Variants in DPP6 observed in about 807,000 individuals in gnomAD.
The protein encoded by DPP6 is dipeptidyl peptidase like 6, also known as A-type potassium channel modulatory protein DPP6.
Under a neutral mutation model 122.6 loss-of-function variants are expected in DPP6, and 69 were observed. The ratio of observed to expected loss-of-function variants is 0.56; its 90% confidence interval spans 0.46 to 0.69. The LOEUF (loss-of-function observed/expected upper bound fraction) is 0.69. Among genes scored for constraint, DPP6 ranks in the 30% least tolerant of loss-of-function variants. The probability of loss-of-function intolerance (pLI) is 0.00; values close to 1 mark genes in which losing one functional copy is unlikely to be tolerated. For missense variants in DPP6, 928 were observed against 1,116.9 expected, an observed-to-expected ratio of 0.83 and a Z score of 2.41; for synonymous variants, 418 against 433.1, an observed-to-expected ratio of 0.97 and a Z score of 0.43.
chr7:154,324,206 C>T (rs957204709), intron 1 of DPP6, among the ~76,000 whole-genome samples: 4 of 152,198 alleles, frequency 2.6e-5, no homozygotes, highest in East Asian at 3.9e-4. Flanking sequence ...TTCCTGTTCA[C>T]GGTTGCCTTT....
chr7:154,338,017 A>G (rs1013118847), intron 1 of DPP6, among the ~76,000 whole-genome samples: 1 of 152,184 alleles, frequency 6.6e-6, no homozygotes, highest in Admixed American at 6.5e-5. Flanking sequence ...CACTGAGCGT[A>G]TATCTGTCTT....
chr7:154,052,920 G>C lies in DPP6; in HGVS notation c.100G>C (p.Glu34Gln), dbSNP rs1008358424. The change falls in exon 1 of 26, where the codon GAG (glutamate) becomes CAG (glutamine). Residue 34 changes from glutamate (E) to glutamine (Q), a missense_variant. Coordinates refer to ENST00000377770, the MANE Select transcript of DPP6 (RefSeq NM_130797.4). The surrounding 1 kb of genome is among the most constrained non-coding windows in gnomAD (Gnocchi z 4.8). ...ASHLLGGQGP[E>Q]EDGGAGAKPL... is the part of the protein sequence containing the mutation. ...TCACCTCCTGGGCGGCCAGGGGCCC[G>C]AGGAGGACGGCGGCGCAGGAGCCAA... The C allele has an allele frequency of 1.1e-5, 17 of 1,496,242 alleles. No individual in the cohort carries two copies. In the African/African-American group the frequency reaches 2.0e-4, roughly 18 times the overall value. 92.7% of individuals were successfully genotyped at this position (1,496,242 alleles called of 1,614,324 possible).
intron 5 of DPP6, among the ~76,000 whole-genome samples, chr7:154,572,205 C>G (rs942843600): frequency 3.3e-5 from 5 of 152,152 alleles, no homozygotes; most frequent in Non-Finnish European, 7.3e-5. Context: ...CCATTTTGCT[C>G]TCTAAGGGAC....
At chr7:154,837,266 CAT>C (rs1168850837) in intron 16 of DPP6, among the ~76,000 whole-genome samples, 3 of 151,962 alleles carry the variant, frequency 2.0e-5, no homozygotes, top group African/African-American at 4.8e-5. Context: ...CATGCACACA[CAT>C]GCACACGCAT....
intron 1 of DPP6, among the ~76,000 whole-genome samples, chr7:154,404,473 A>G (rs1815901303): frequency 6.6e-6 from 1 of 152,228 alleles, no homozygotes; most frequent in South Asian, 2.1e-4. Flanking sequence ...AAGAAGGATT[A>G]CCATCTTTGA....
intron 1 of DPP6, among the ~76,000 whole-genome samples, chr7:154,375,361 T>C: frequency 6.6e-6 from 1 of 151,544 alleles, no homozygotes; most frequent in East Asian, 1.9e-4. Context: ...GGAAATGGAG[T>C]GAGGCAGGAC....
chr7:154,173,881 C>T (rs115468478), intron 1 of DPP6, among the ~76,000 whole-genome samples: 6,030 of 152,222 alleles, frequency 0.04, 215 homozygotes, highest in African/African-American at 0.095. Context: ...CTCTGACGGG[C>T]GGGACCCTGA....
the DPP6 span, among the ~76,000 whole-genome samples, chr7:153,879,719 C>T: frequency 1.3e-5 from 2 of 152,252 alleles, no homozygotes; most frequent in South Asian, 2.1e-4. Context: ...CATTTAACCA[C>T]GTGTTTCTCT....
intron 20 of DPP6, 40 bp from the exon 21 acceptor site, chr7:154,880,848 G>C: frequency 3.7e-6 from 6 of 1,613,946 alleles, no homozygotes; most frequent in Non-Finnish European, 5.1e-6. Flanking sequence ...GTGGCAGCAG[G>C]ATGTGCACTG....
chr7:154,815,280 T>C (rs1164099260), intron 16 of DPP6, among the ~76,000 whole-genome samples: 1 of 152,194 alleles, frequency 6.6e-6, no homozygotes, highest in Non-Finnish European at 1.5e-5. Flanking sequence ...GAAGAGCAGT[T>C]CCAGTATAGA....
chr7:153,758,572 A>G, the DPP6 span, among the ~76,000 whole-genome samples: 3 of 152,144 alleles, frequency 2.0e-5, no homozygotes, highest in Non-Finnish European at 2.9e-5. Flanking sequence ...TTTTTCTGTT[A>G]CTATATATTA....
chr7:153,916,907 T>A (rs1800352634), intron 1 of DPP6, among the ~76,000 whole-genome samples: 1 of 152,240 alleles, frequency 6.6e-6, no homozygotes, highest in African/African-American at 2.4e-5. Flanking sequence ...CCTCAATGGC[T>A]TGTTCCAACA....
intron 7 of DPP6, among the ~76,000 whole-genome samples, chr7:154,720,887 C>T (rs111335419): frequency 6.6e-5 from 10 of 152,324 alleles, no homozygotes; most frequent in African/African-American, 2.2e-4. Context: ...GGGCAGCTGA[C>T]GACAAAACTC....
chr7:154,214,728 G>A (rs1585649538), intron 1 of DPP6, among the ~76,000 whole-genome samples: 2 of 152,148 alleles, frequency 1.3e-5, no homozygotes, highest in African/African-American at 4.8e-5. Flanking sequence ...ACCAGGCTGG[G>A]AAACATAGTG....
chr7:154,127,148 C>T (rs568930129), intron 1 of DPP6, among the ~76,000 whole-genome samples: 2 of 152,302 alleles, frequency 1.3e-5, no homozygotes, highest in South Asian at 4.1e-4. Context: ...ACCTTGCAGT[C>T]AGATTAGCCA....
chr7:154,252,269 A>C (rs1163721708), intron 1 of DPP6, among the ~76,000 whole-genome samples: 1 of 151,330 alleles, frequency 6.6e-6, no homozygotes, highest in African/African-American at 2.5e-5. Flanking sequence ...GGTTGTGATG[A>C]AATGGAGGAA....
chr7:154,773,785 A>T (rs1248250030), intron 10 of DPP6, among the ~76,000 whole-genome samples: 1 of 152,154 alleles, frequency 6.6e-6, no homozygotes. Flanking sequence ...TCAAAGCTCC[A>T]TATTACTAGT....
chr7:154,447,485 A>G (rs1036974595), intron 2 of DPP6, among the ~76,000 whole-genome samples: 16 of 152,182 alleles, frequency 1.1e-4, no homozygotes, highest in African/African-American at 3.1e-4. Flanking sequence ...GAAAAAAAGT[A>G]GATATTATAA....
chr7:154,794,814 G>GCCCCCCC (rs1554470046), intron 11 of DPP6, among the ~76,000 whole-genome samples: 1 of 150,156 alleles, frequency 6.7e-6, no homozygotes, highest in Admixed American at 6.7e-5. Flanking sequence ...CATGGGATGG[G>GCCCCCCC]CCCCCAGAAG....
Sources: allele counts gnomAD v4.1 joint callset (sites outside exome capture counted in the v4.1 genomes callset), GRCh38; gene constraint gnomAD v4.1.1; non-coding constraint Gnocchi (gnomAD v3.1); transcripts MANE v1.5; gene names NCBI Gene and HGNC (gene_info 2026-07-23, HGNC 2026-07-21).